Variants in RAB10 observed in about 807,000 individuals in gnomAD.
RAB10 encodes the protein RAB10, member RAS oncogene family.
RAB10 carries 5 observed loss-of-function variants against 25.7 expected under a neutral mutation model. The ratio of observed to expected loss-of-function variants is 0.19; its 90% CI spans 0.10 to 0.41. The LOEUF (loss-of-function observed/expected upper bound fraction) is 0.41. Ranked by LOEUF, RAB10 falls within the 10% of genes least tolerant of loss-of-function variation. The pLI is 1.00. For missense variants in RAB10, 103 were observed against 245.8 expected (o/e 0.42, Z 3.89); for synonymous variants, 89 against 86.4 (o/e 1.03, Z -0.16).
At chr2:26,052,387 A>G (rs1483783423) in intron 1 of RAB10, among the ~76,000 whole-genome samples, 1 of 152,168 alleles carries the variant, frequency 6.6e-6, no homozygotes, top group African/African-American at 2.4e-5. Flanking sequence ...CGCATTCTCA[A>G]AGAAAAGATG....
chr2:26,052,141 G>T (rs6546725), intron 1 of RAB10, among the ~76,000 whole-genome samples: 116,774 of 151,686 alleles, frequency 0.77, 44,982 homozygotes, highest in East Asian at 0.87. Flanking sequence ...ACTTTGGGAG[G>T]CTGAGACAGG....
At chr2:26,079,049 TG>T (rs1666802873) in intron 1 of RAB10, among the ~76,000 whole-genome samples, 1 of 152,042 alleles carries the variant, frequency 6.6e-6, no homozygotes, top group South Asian at 2.1e-4. Flanking sequence ...TAGCTGAGTA[TG>T]GTGGTGCCCA....
chr2:26,034,005 ATGCCCTCTTG>A (rs1392013599), upstream of RAB10: 1 of 398,454 alleles, frequency 2.5e-6, no homozygotes, highest in Non-Finnish European at 4.4e-6. Flanking sequence ...GCGCGCCCCC[ATGCCCTCTTG>A]TGCGCGTGCG....
chr2:26,073,958 A>G (rs937382967), intron 1 of RAB10, among the ~76,000 whole-genome samples: 2 of 152,230 alleles, frequency 1.3e-5, no homozygotes, highest in Admixed American at 6.5e-5. Flanking sequence ...TTTTAGAGCA[A>G]TGAGAAATCA....
intron 1 of RAB10, among the ~76,000 whole-genome samples, chr2:26,038,053 A>G (rs1336417747): frequency 6.6e-6 from 1 of 151,186 alleles, no homozygotes; most frequent in Non-Finnish European, 1.5e-5. Context: ...CACCTGGCTA[A>G]TTTTGTATTT....
At chr2:26,123,942 T>C (rs1667854612) in intron 3 of RAB10, among the ~76,000 whole-genome samples, 1 of 152,192 alleles carries the variant, frequency 6.6e-6, no homozygotes, top group African/African-American at 2.4e-5. Context: ...CTGCCTTCCC[T>C]GAGACAGCAA....
chr2:26,070,491 T>G (rs1365726129), intron 1 of RAB10, among the ~76,000 whole-genome samples: 6 of 152,226 alleles, frequency 3.9e-5, no homozygotes, highest in Non-Finnish European at 7.3e-5. Flanking sequence ...TAAAATAGTT[T>G]AAGAAAAATT....
At chr2:26,106,957 G>A (rs1238433280) in intron 2 of RAB10, among the ~76,000 whole-genome samples, 2 of 147,518 alleles carry the variant, frequency 1.4e-5, no homozygotes, top group Non-Finnish European at 1.5e-5. Flanking sequence ...ATAAGACTAC[G>A]TGAAGAGGCT....
intron 3 of RAB10, 51 bp downstream of exon 3, chr2:26,109,957 T>C: frequency 6.9e-7 from 1 of 1,447,102 alleles, no homozygotes; most frequent in Non-Finnish European, 9.3e-7. Context: ...TTTGTGTGCT[T>C]GGTTAGGAAG....
rs1666979320 is a variant in RAB10 at position 26,086,024 on chromosome 2, G to GT, written c.128-12638_128-12637insT. On this transcript the variant is annotated intron_variant, in intron 1 of 5. Coordinates refer to ENST00000264710, the MANE Select transcript of RAB10 (RefSeq NM_016131.5). ...AAAAAAAAAAAAAAAAAAAGGGGGGGGGCAAAGGGGCCCGATGCGGTAGCT... is the reference window on the plus strand; with the variant it reads ...AAAAAAAAAAAAAAAAAAAGGGGGGGTGGCAAAGGGGCCCGATGCGGTAGCT... Among the ~76,000 whole-genome samples, 4 of 139,722 alleles carry GT rather than the reference G, an allele frequency of 2.9e-5. No individual in the cohort carries two copies. In the South Asian group the frequency reaches 9.3e-4, roughly 33 times the overall value. 91.7% of individuals were successfully genotyped at this position (139,722 alleles called of 152,430 possible). A position where few individuals can be genotyped will look rare whatever the true frequency, so the allele number is the denominator to read the frequency against.
At chr2:26,114,737 C>CAAAAAAAAAAAAAAAAAAAAAAAAA (rs58252306) in intron 3 of RAB10, among the ~76,000 whole-genome samples, 48 of 66,030 alleles carry the variant, frequency 7.3e-4, no homozygotes, top group African/African-American at 2.3e-3. Context: ...CAAAAATATA[C>CAAAAAAAAAAAAAAAAAAAAAAAAA]AAAAAAAAAA....
At chr2:26,106,694 TG>T (rs1667469690) in intron 2 of RAB10, among the ~76,000 whole-genome samples, 1 of 151,810 alleles carries the variant, frequency 6.6e-6, no homozygotes, top group South Asian at 2.1e-4. Flanking sequence ...GAGATCAGCC[TG>T]GCCAACATGG....
chr2:26,091,970 G>A (rs561331865), intron 1 of RAB10, among the ~76,000 whole-genome samples: 2 of 152,144 alleles, frequency 1.3e-5, no homozygotes, highest in Admixed American at 6.5e-5. Context: ...TCAGGAGTTC[G>A]AGACCAGCCT....
intron 1 of RAB10, among the ~76,000 whole-genome samples, chr2:26,063,194 C>T (rs949596754): frequency 6.6e-6 from 1 of 151,962 alleles, no homozygotes; most frequent in African/African-American, 2.4e-5. Flanking sequence ...TCCTCAGGCT[C>T]GCTTTCTTGT....
rs775748427 is a variant in RAB10 at position 26,117,616 on chromosome 2, T to C, written c.327+7710T>C. ...GACTGGGCGACAGAGCGAGACTCCG[T>C]CTCAAAAAAAAAAAAAAAACAAAAA... On this transcript the variant is annotated intron_variant, in intron 3 of 5. Coordinates refer to ENST00000264710, the MANE Select transcript of RAB10 (RefSeq NM_016131.5). Among the ~76,000 whole-genome samples the C allele has an allele frequency of 1.5e-3, 184 of 126,512 alleles. 1 individual carries two copies. Among genetic ancestry groups the C allele is most frequent in the Middle Eastern group, 5.1e-3 (1 of 196 alleles). 83.0% of individuals were successfully genotyped at this position (126,512 alleles called of 152,430 possible). A position where few individuals can be genotyped will look rare whatever the true frequency, so the allele number is the denominator to read the frequency against.
At chr2:26,094,721 G>A (rs920527454) in intron 1 of RAB10, among the ~76,000 whole-genome samples, 1 of 152,108 alleles carries the variant, frequency 6.6e-6, no homozygotes, top group African/African-American at 2.4e-5. Flanking sequence ...ACCATGCCTG[G>A]CTAATTTTTG....
chr2:26,037,592 T>TC (rs1240043317), intron 1 of RAB10, among the ~76,000 whole-genome samples: 1 of 151,640 alleles, frequency 6.6e-6, no homozygotes, highest in Non-Finnish European at 1.5e-5. Flanking sequence ...TGAGCCGAGA[T>TC]CGTGCCATTG....
At chr2:26,063,172 A>G (rs1666445136) in intron 1 of RAB10, among the ~76,000 whole-genome samples, 1 of 151,946 alleles carries the variant, frequency 6.6e-6, no homozygotes, top group African/African-American at 2.4e-5. Context: ...TGGTCAATCT[A>G]TTAGACTGTC....
chr2:26,079,267 A>G (rs894839094), intron 1 of RAB10, among the ~76,000 whole-genome samples: 4 of 151,782 alleles, frequency 2.6e-5, no homozygotes, highest in African/African-American at 4.8e-5. Context: ...TAGTTAGCAA[A>G]TCTGGTTCCT....
Sources: gnomAD v4.1 joint callset for allele counts (sites outside exome capture counted in the v4.1 genomes callset) on GRCh38, gnomAD v4.1.1 for gene constraint, MANE v1.5 for transcripts, NCBI Gene and HGNC (gene_info 2026-07-23, HGNC 2026-07-21) for gene names.